TRIM66: variants seen among roughly 807,000 people sequenced by gnomAD.
The protein encoded by TRIM66 is tripartite motif containing 66.
In TRIM66, 99 loss-of-function variants were observed where a neutral mutation model predicts 148.2. The observed-to-expected ratio is 0.67, with a 90% CI of 0.57 to 0.79. TRIM66 has a LOEUF of 0.79. Ranked by LOEUF, TRIM66 falls within the 30% of genes least tolerant of loss-of-function variation. TRIM66 has a pLI of 0.00. For missense variants in TRIM66, 1,666 were observed against 1,697.9 expected, an observed-to-expected ratio of 0.98 and a Z score of 0.33; for synonymous variants, 616 against 635.9, an observed-to-expected ratio of 0.97 and a Z score of 0.47.
intron 3 of TRIM66, among the ~76,000 whole-genome samples, chr11:8,675,858 C>T (rs570578843): frequency 4.3e-4 from 66 of 152,212 alleles, no homozygotes; most frequent in African/African-American, 1.5e-3. Context: ...CCTGCCTCAG[C>T]CTCTCAAGTA....
upstream of TRIM66, chr11:8,682,841 T>G: frequency 6.2e-7 from 1 of 1,609,184 alleles, no homozygotes; most frequent in Non-Finnish European, 8.5e-7. Context: ...TCTTGCCTCC[T>G]CTTCCTTGCC....
At chr11:8,633,258 G>T (rs1011005350) in intron 15 of TRIM66, among the ~76,000 whole-genome samples, 1 of 152,068 alleles carries the variant, frequency 6.6e-6, no homozygotes, top group Non-Finnish European at 1.5e-5. Context: ...GGAGGCAGAG[G>T]TTGCGGTGAG....
At chr11:8,668,158 C>G (rs568129847) in intron 6 of TRIM66, among the ~76,000 whole-genome samples, 38 of 152,180 alleles carry the variant, frequency 2.5e-4, no homozygotes, top group African/African-American at 8.4e-4. Flanking sequence ...ATTTGCATTT[C>G]CCTAGTGATT....
At chr11:8,651,612 AC>A (rs796718135) in intron 7 of TRIM66, among the ~76,000 whole-genome samples, 187 bp downstream of exon 7, 4 of 151,702 alleles carry the variant, frequency 2.6e-5, no homozygotes, top group African/African-American at 7.3e-5. Flanking sequence ...TTAATAGAAA[AC>A]CCCCTCATTG....
chr11:8,621,686 T>A lies in TRIM66; in HGVS notation c.3214A>T (p.Ile1072Phe). ...KNDQDGSFLL[I>F]IECGTESSSM... ...GAGGACTCAGTGCCACACTCGATGA[T>A]CAGCAGGAAGCTCCCATCCTGATCA... Residue 1072 changes from isoleucine to phenylalanine, a missense_variant, in exon 19 of 25, where the codon ATC becomes TTC. Ile to Phe is a conservative substitution (Grantham distance 21). Coordinates refer to ENST00000646038, the MANE Select transcript of TRIM66 (RefSeq NM_001388022.1). The A allele has an allele frequency of 6.5e-7, 1 of 1,549,986 alleles. No individual in the cohort carries two copies.
intron 6 of TRIM66, among the ~76,000 whole-genome samples, chr11:8,663,707 C>A (rs562931855): frequency 1.1e-4 from 16 of 152,138 alleles, no homozygotes; most frequent in African/African-American, 3.6e-4. Flanking sequence ...CTGTATTATT[C>A]ACAATAGCCA....
chr11:8,637,639 G>T (rs1347034499), intron 15 of TRIM66, among the ~76,000 whole-genome samples: 1 of 152,208 alleles, frequency 6.6e-6, no homozygotes, highest in Non-Finnish European at 1.5e-5. Flanking sequence ...CAGAGCTAGG[G>T]AAACTTGGTG....
At chr11:8,662,373 T>C (rs1368267322) in intron 6 of TRIM66, among the ~76,000 whole-genome samples, 1 of 152,260 alleles carries the variant, frequency 6.6e-6, no homozygotes, top group Non-Finnish European at 1.5e-5. Flanking sequence ...TGTAGCATCT[T>C]GCATCAGTTC....
chr11:8,622,291 GTA>G (rs952477415), intron 18 of TRIM66, among the ~76,000 whole-genome samples: 6 of 130,654 alleles, frequency 4.6e-5, no homozygotes, highest in Non-Finnish European at 6.4e-5. Flanking sequence ...ATATATATAT[GTA>G]TATATATATG....
chr11:8,628,830 ATC>A (rs1299295689), intron 15 of TRIM66, among the ~76,000 whole-genome samples: 1 of 149,494 alleles, frequency 6.7e-6, no homozygotes, highest in Non-Finnish European at 1.5e-5. Flanking sequence ...TTCTTTTATC[ATC>A]TCTTTCTCTT....
chr11:8,653,870 G>A (rs1296494939), intron 6 of TRIM66, among the ~76,000 whole-genome samples: 1 of 148,854 alleles, frequency 6.7e-6, no homozygotes, highest in Non-Finnish European at 1.5e-5. Context: ...ACTGTATCTG[G>A]AATGTCCTGC....
At chr11:8,671,470 G>A (rs962596710) in intron 6 of TRIM66, among the ~76,000 whole-genome samples, 35 of 152,314 alleles carry the variant, frequency 2.3e-4, no homozygotes, top group Admixed American at 1.2e-3. Flanking sequence ...CTGCCTTGGA[G>A]ATTTAGTGAG....
intron 6 of TRIM66, among the ~76,000 whole-genome samples, chr11:8,656,161 C>G (rs2037811455): frequency 6.6e-6 from 1 of 152,198 alleles, no homozygotes; most frequent in Non-Finnish European, 1.5e-5. Context: ...TAAAGAGATT[C>G]TCCATCTTTT....
chr11:8,680,373 G>A (rs1043899050), intron 1 of TRIM66, among the ~76,000 whole-genome samples: 1 of 152,202 alleles, frequency 6.6e-6, no homozygotes, highest in Non-Finnish European at 1.5e-5. Context: ...AGAAATTGGA[G>A]GAGGGTTAGA....
At chr11:8,659,487 A>G (rs1002219396) in intron 6 of TRIM66, among the ~76,000 whole-genome samples, 1 of 152,232 alleles carries the variant, frequency 6.6e-6, no homozygotes, top group African/African-American at 2.4e-5. Context: ...AGGGGCTGTC[A>G]TGAACAGAGG....
Position 8,616,656 on chromosome 11 carries a change from TAGG to T in TRIM66, c.*1285_*1287del, listed in dbSNP as rs1300433538. ...TTCCAGAATGCTTCTCTCTGCATTCTAGGAGAACTAAGGCTCTGAGGTTGCTTC... is the reference window on the plus strand; with the variant it reads ...TTCCAGAATGCTTCTCTCTGCATTCTAGAACTAAGGCTCTGAGGTTGCTTC... On this transcript the variant is annotated 3_prime_UTR_variant, in exon 25 of 25. Transcript: ENST00000646038. The T allele has an allele frequency of 6.6e-6, 1 of 152,248 alleles. No homozygotes were observed. Among genetic ancestry groups the T allele is most frequent in the Non-Finnish European group, 1.5e-5 (1 of 68,066 alleles). 9.4% of individuals were successfully genotyped at this position (152,248 alleles called of 1,614,324 possible). A position where few individuals can be genotyped will look rare whatever the true frequency, so the allele number is the denominator to read the frequency against.
intron 5 of TRIM66, 44 bp from the exon 6 acceptor site, chr11:8,672,142 A>G: frequency 6.5e-7 from 1 of 1,529,024 alleles, no homozygotes; most frequent in Non-Finnish European, 8.7e-7. Flanking sequence ...TATTTTGAGC[A>G]GAAAAAAATC....
At position 8,618,934 on chromosome 11, in the gene TRIM66, A is replaced by G; in HGVS notation, c.3935T>C (p.Leu1312Pro). 1 of 1,551,400 alleles carries G rather than the reference A, an allele frequency of 6.4e-7. No individual in the cohort carries two copies. The highest frequency in any genetic ancestry group is 8.7e-7 in the Non-Finnish European group (1 of 1,146,926). ...DSEVAEAGRC[L>P]EVFFEGWLKE... The stretch of plus-strand genomic sequence containing the variant: ...CAACCAGCCCTCAAAGAACACTTCC[A>G]GGCAGCGGCCAGCCTCTGCAACCTC... The change falls in exon 24 of 25, where the codon CTG becomes CCG. Residue 1312 changes from leucine (L) to proline (P), a missense_variant. Around this residue, in one of 3 missense-constraint regions of TRIM66, gnomAD observed 204 missense variants for 231.0 expected, o/e 0.88. Transcript: ENST00000646038.
chr11:8,645,900 A>T lies in TRIM66; in HGVS notation c.958-13T>A, dbSNP rs1483602744. The T allele has an allele frequency of 6.4e-7, 1 of 1,551,164 alleles. No individual in the cohort carries two copies. Among genetic ancestry groups the T allele is most frequent in the Non-Finnish European group, 8.7e-7 (1 of 1,146,742 alleles). ...CATTAGTAATCCCCTGGGTACAGAG[A>T]GAAGACAGAGTCCTTGATCCTGTTA... On this transcript the variant is annotated splice_polypyrimidine_tract_variant and intron_variant, in intron 11 of 24. Transcript: ENST00000646038.
Sources: allele counts gnomAD v4.1 joint callset (sites outside exome capture counted in the v4.1 genomes callset), GRCh38; gene constraint gnomAD v4.1.1; regional missense constraint gnomAD v4.1.1; transcripts MANE v1.5; gene names NCBI Gene and HGNC (gene_info 2026-07-23, HGNC 2026-07-21).